Variants in SMIM19 observed in about 807,000 individuals in gnomAD.
The protein encoded by SMIM19 is UPF0697 protein C8orf40.
In SMIM19, 6 loss-of-function variants were observed where a neutral mutation model predicts 13.2. That is an observed-to-expected ratio of 0.45 (90% CI 0.25 to 0.90). The LOEUF is 0.90. SMIM19 is among the 40% of genes least tolerant of loss of function. The probability of loss-of-function intolerance (pLI) is 0.19; values close to 1 mark genes in which losing one functional copy is unlikely to be tolerated. For synonymous variants in SMIM19, 46 were observed against 43.1 expected (o/e 1.07, Z -0.27); for missense variants, 138 against 131.0 (o/e 1.05, Z -0.26).
intron 1 of SMIM19, among the ~76,000 whole-genome samples, chr8:42,544,921 C>CTCCT (rs1219213505): frequency 1.3e-5 from 2 of 152,212 alleles, no homozygotes; most frequent in East Asian, 3.8e-4. Flanking sequence ...ACAGCATGGA[C>CTCCT]TCCTGCAAGA....
At chr8:42,542,767 G>T (rs1813299776) in intron 1 of SMIM19, among the ~76,000 whole-genome samples, 1 of 151,542 alleles carries the variant, frequency 6.6e-6, no homozygotes, top group African/African-American at 2.4e-5. Context: ...TTTGAGACCA[G>T]CCTGGGCAGT....
At chr8:42,543,282 C>G (rs1813340115) in intron 1 of SMIM19, among the ~76,000 whole-genome samples, 1 of 152,128 alleles carries the variant, frequency 6.6e-6, no homozygotes, top group Non-Finnish European at 1.5e-5. Context: ...GGTCATAGTT[C>G]AGGCTGCCTG....
In SMIM19 at chr8:42,553,979, C is replaced by T. The variant is rs1333259115; in HGVS notation, c.*1371C>T. 1 of 97,408 alleles carries T rather than the reference C, an allele frequency of 1.0e-5. No homozygotes were observed. Among genetic ancestry groups the T allele is most frequent in the South Asian group, 3.8e-4 (1 of 2,614 alleles). 6.0% of individuals were successfully genotyped at this position (97,408 alleles called of 1,614,324 possible). A position where few individuals can be genotyped will look rare whatever the true frequency, so the allele number is the denominator to read the frequency against. ...CCTAGGCGACAGAGCAAGACTTCGT[C>T]TCAGAAAAAAAAAAAAAAGTTAATA... On this transcript the variant is annotated 3_prime_UTR_variant, in exon 4 of 4. Coordinates refer to ENST00000417410, the MANE Select transcript of SMIM19 (RefSeq NM_001135674.2).
chr8:42,551,848 G>A (rs1041198907), intron 3 of SMIM19, among the ~76,000 whole-genome samples: 9 of 152,162 alleles, frequency 5.9e-5, no homozygotes, highest in South Asian at 2.1e-4. Flanking sequence ...GGAGGCTGAC[G>A]TGGCAGGATT....
intron 3 of SMIM19, among the ~76,000 whole-genome samples, chr8:42,549,785 T>C (rs1813608067): frequency 6.6e-6 from 1 of 152,094 alleles, no homozygotes; most frequent in African/African-American, 2.4e-5. Flanking sequence ...AACATAAGTA[T>C]TGTTTAAAAA....
intron 2 of SMIM19, among the ~76,000 whole-genome samples, chr8:42,548,072 G>A (rs1397137935): frequency 3.9e-5 from 6 of 152,160 alleles, no homozygotes; most frequent in Admixed American, 2.0e-4. Flanking sequence ...GAACTCTAGG[G>A]GTGGTGAGAG....
intron 3 of SMIM19, among the ~76,000 whole-genome samples, chr8:42,551,572 G>A (rs1169829168): frequency 6.6e-6 from 1 of 152,128 alleles, no homozygotes; most frequent in Non-Finnish European, 1.5e-5. Context: ...AATTCCTTAT[G>A]TGTGGACAAA....
intron 2 of SMIM19, among the ~76,000 whole-genome samples, chr8:42,547,317 A>G (rs1013981198): frequency 6.6e-6 from 1 of 151,760 alleles, no homozygotes; most frequent in Non-Finnish European, 1.5e-5. Context: ...AGATCGTGCC[A>G]TTGCACTCCA....
chr8:42,550,364 C>T (rs982025484), intron 3 of SMIM19, among the ~76,000 whole-genome samples: 4 of 152,170 alleles, frequency 2.6e-5, no homozygotes, highest in Admixed American at 6.6e-5. Flanking sequence ...TTAAACCACA[C>T]GAACATGTTG....
chr8:42,552,612 C>G lies in SMIM19; in HGVS notation c.*4C>G, dbSNP rs368564087. The G allele has an allele frequency of 3.7e-6, 6 of 1,613,608 alleles. No individual in the cohort carries two copies. Among genetic ancestry groups the G allele is most frequent in the Admixed American group, 1.7e-5 (1 of 59,958 alleles). On this transcript the variant is annotated 3_prime_UTR_variant, in exon 4 of 4. Transcript: ENST00000417410. ...TGTGCAACTCTCATTGGAATGAAAC[C>G]TCAGAAAAAGAGCAACAGAAGTAAT...
intron 1 of SMIM19, among the ~76,000 whole-genome samples, chr8:42,543,256 G>A (rs556122026): frequency 6.6e-6 from 1 of 152,276 alleles, no homozygotes; most frequent in African/African-American, 2.4e-5. Context: ...GTGGCATGCC[G>A]GGGAGGAGGG....
rs1015553793 is a variant in SMIM19 at position 42,541,653 on chromosome 8, A to G, written c.-725A>G. 2 of 149,570 alleles carry G rather than the reference A, an allele frequency of 1.3e-5. No homozygotes were observed. Among genetic ancestry groups the G allele is most frequent in the African/African-American group, 4.9e-5 (2 of 41,046 alleles). The allele number at this position is 149,570 out of a possible 1,614,324, so 9.3% of individuals were successfully genotyped here. A position where few individuals can be genotyped will look rare whatever the true frequency, so the allele number is the denominator to read the frequency against. On this transcript the variant is annotated 5_prime_UTR_variant, in exon 1 of 4. Transcript: ENST00000417410. ...GCGCCCGGCCCCGACTCCGGGGTAA[A>G]GAGCCCCGGAGCGGAGCAGCGCTGG... is the stretch of plus-strand genomic sequence containing the variant.
At position 42,546,509 on chromosome 8, in the gene SMIM19, T is replaced by C; in HGVS notation, c.37T>C (p.Ser13Pro). 1 of 1,614,014 alleles carries C rather than the reference T, an allele frequency of 6.2e-7. No individual in the cohort carries two copies. The highest frequency in any genetic ancestry group is 8.5e-7 in the Non-Finnish European group (1 of 1,179,984). The stretch of plus-strand genomic sequence containing the variant: ...TTATGGAGTGATGGGTGACGATGGT[T>C]CTATTGATTATACTGTTCACGAAGC... The part of the protein sequence containing the change: ...GGYGVMGDDG[S>P]IDYTVHEAWN... Residue 13 changes from serine to proline, a missense_variant, in exon 2 of 4, where the codon TCT (serine) becomes CCT (proline). Coordinates refer to ENST00000417410, the MANE Select transcript of SMIM19 (RefSeq NM_001135674.2).
At chr8:42,545,602 C>T (rs1199743199) in intron 1 of SMIM19, among the ~76,000 whole-genome samples, 1 of 152,192 alleles carries the variant, frequency 6.6e-6, no homozygotes, top group African/African-American at 2.4e-5. Flanking sequence ...CTGACCTCCG[C>T]TCACTGTAAC....
intron 1 of SMIM19, among the ~76,000 whole-genome samples, chr8:42,546,154 T>TAA (rs1265383287): frequency 6.6e-6 from 1 of 152,216 alleles, no homozygotes; most frequent in Admixed American, 6.5e-5. Flanking sequence ...TCTAAGCACT[T>TAA]ACAATACCTA....
chr8:42,550,912 G>T (rs965371791), intron 3 of SMIM19, among the ~76,000 whole-genome samples: 1 of 152,168 alleles, frequency 6.6e-6, no homozygotes, highest in South Asian at 2.1e-4. Context: ...ACAGGCAACA[G>T]AATTCTTTTT....
At chr8:42,550,505 C>T (rs1354735463) in intron 3 of SMIM19, among the ~76,000 whole-genome samples, 1 of 152,164 alleles carries the variant, frequency 6.6e-6, no homozygotes, top group Non-Finnish European at 1.5e-5. Context: ...TTCTCAGGGC[C>T]ATCCACACTC....
At chr8:42,546,084 T>C (rs1813470474) in intron 1 of SMIM19, among the ~76,000 whole-genome samples, 1 of 152,222 alleles carries the variant, frequency 6.6e-6, no homozygotes, top group Admixed American at 6.5e-5. Flanking sequence ...CAAGTCCCGA[T>C]ATAAAATGGC....
At chr8:42,551,435 G>A (rs1436981679) in intron 3 of SMIM19, among the ~76,000 whole-genome samples, 6 of 151,818 alleles carry the variant, frequency 4.0e-5, no homozygotes, top group African/African-American at 7.3e-5. Context: ...TTCAATTAAC[G>A]TTTCTTAGAA....
Sources: gnomAD v4.1 joint callset for allele counts (sites outside exome capture counted in the v4.1 genomes callset) on GRCh38, gnomAD v4.1.1 for gene constraint, MANE v1.5 for transcripts, NCBI Gene and HGNC (gene_info 2026-07-23, HGNC 2026-07-21) for gene names.